Variants in GRK5 observed in about 807,000 individuals in gnomAD.
The protein encoded by GRK5 is g protein-coupled receptor kinase GRK5.
Under a neutral mutation model 78.4 loss-of-function variants are expected in GRK5, and 40 were observed. The ratio of observed to expected loss-of-function variants is 0.51; its 90% CI spans 0.40 to 0.66. The LOEUF is 0.66. GRK5 is among the 30% of genes least tolerant of loss of function. The pLI, the probability that GRK5 is intolerant of heterozygous loss-of-function variation, is 0.00. For synonymous variants in GRK5, 289 were observed against 296.8 expected, an observed-to-expected ratio of 0.97 and a Z score of 0.27; for missense variants, 598 against 759.9, an observed-to-expected ratio of 0.79 and a Z score of 2.50.
rs1423421380 is a variant in GRK5 at position 119,412,658 on chromosome 10, A to C, written c.340-10508A>C. Among the ~76,000 whole-genome samples the C allele has an allele frequency of 1.3e-5, 2 of 152,174 alleles. No individual in the cohort carries two copies. Among genetic ancestry groups the C allele is most frequent in the Non-Finnish European group, 2.9e-5 (2 of 68,032 alleles). ...CAGTGGCTTTTCCACATGGCCCTGA[A>C]GGTTTTGATTAAAAAGGTGGAAGAA... is the stretch of plus-strand genomic sequence containing the variant. On this transcript the variant is annotated intron_variant, in intron 4 of 15. Transcript: ENST00000392870. This position sits in a 1 kb window ranked among gnomAD's most constrained non-coding sequence, Gnocchi z 4.3.
chr10:119,383,328 A>G (rs2133834146), intron 3 of GRK5, among the ~76,000 whole-genome samples: 1 of 152,288 alleles, frequency 6.6e-6, no homozygotes, highest in Non-Finnish European at 1.5e-5. Flanking sequence ...CAGTGGTTTC[A>G]TGTTCTTCCA....
At position 119,455,261 on chromosome 10, in the gene GRK5, GCGGCCC is replaced by G. The variant is rs1343605345; in HGVS notation, c.*200_*205del. The G allele has an allele frequency of 1.0e-5, 7 of 701,352 alleles. No individual in the cohort carries two copies. In the Admixed American group the frequency reaches 1.4e-4, roughly 14 times the overall value. 43.4% of individuals were successfully genotyped at this position (701,352 alleles called of 1,614,324 possible). On this transcript the variant is annotated 3_prime_UTR_variant, in exon 16 of 16. Coordinates refer to ENST00000392870, the MANE Select transcript of GRK5 (RefSeq NM_005308.3). ...TTTCCACTCAGGTCTGTTTTCCGAG[GCGGCCC>G]CGGCCGGGGTGGATTGGATTTGTCT...
At chr10:119,256,601 C>T (rs1017202784) in intron 1 of GRK5, among the ~76,000 whole-genome samples, 1 of 149,698 alleles carries the variant, frequency 6.7e-6, no homozygotes, top group Non-Finnish European at 1.5e-5. Context: ...TCACCTCTAT[C>T]GCACCCCACC....
chr10:119,365,091 G>A (rs4526697), intron 2 of GRK5, among the ~76,000 whole-genome samples: 3,824 of 152,276 alleles, frequency 0.025, 69 homozygotes, highest in Non-Finnish European at 0.038. Context: ...CAGCGCCCCA[G>A]GCTGAGACAG....
intron 1 of GRK5, among the ~76,000 whole-genome samples, chr10:119,275,843 G>A (rs1452144380): frequency 2.0e-5 from 3 of 152,142 alleles, no homozygotes; most frequent in Non-Finnish European, 4.4e-5. Flanking sequence ...TGCGCTTAGT[G>A]TTCCGAATTC....
chr10:119,225,564 C>A (rs777558526), intron 1 of GRK5, among the ~76,000 whole-genome samples: 1 of 152,074 alleles, frequency 6.6e-6, no homozygotes, highest in Non-Finnish European at 1.5e-5. Context: ...GTTCTGCATT[C>A]TCCTGCAAGG....
At chr10:119,406,459 T>G in intron 4 of GRK5, 2 of 954,518 alleles carry the variant, frequency 2.1e-6, no homozygotes, top group Non-Finnish European at 2.5e-6. Context: ...ATGGGAAGCT[T>G]GGGCAAATGG....
At chr10:119,371,579 T>G (rs535057787) in intron 2 of GRK5, among the ~76,000 whole-genome samples, 34 of 152,340 alleles carry the variant, frequency 2.2e-4, no homozygotes, top group African/African-American at 8.2e-4. Flanking sequence ...TGTGGCCTGC[T>G]TCCGAGAAGG....
chr10:119,391,623 G>A (rs538120837), intron 3 of GRK5, among the ~76,000 whole-genome samples: 2 of 152,228 alleles, frequency 1.3e-5, no homozygotes, highest in Non-Finnish European at 2.9e-5. Context: ...GAGGGTCCGG[G>A]AGCCTGCGGT....
intron 1 of GRK5, among the ~76,000 whole-genome samples, chr10:119,228,661 T>C (rs1388988830): frequency 1.3e-5 from 2 of 152,204 alleles, no homozygotes; most frequent in East Asian, 1.9e-4. Context: ...CCTATTCTTA[T>C]TGGCATGGAG....
intron 4 of GRK5, among the ~76,000 whole-genome samples, chr10:119,407,954 G>A (rs918522265): frequency 1.3e-4 from 20 of 152,114 alleles, no homozygotes; most frequent in Middle Eastern, 3.4e-3. Context: ...AGCTGAGGTC[G>A]GGAGTTCAAG....
At position 119,217,197 on chromosome 10, in the gene GRK5, C is replaced by T. The variant is rs886444036; in HGVS notation, c.52+9228C>T. On this transcript the variant is annotated intron_variant, in intron 1 of 15. Coordinates refer to ENST00000392870, the MANE Select transcript of GRK5 (RefSeq NM_005308.3). This position sits in a 1 kb window ranked among gnomAD's most constrained non-coding sequence, Gnocchi z 4.1. Reference sequence around the variant, plus strand: ...GAGAAAGAGTGTCTTTGTCAGATTCCCTGGGAAAAGGGGCAAATTGGGAAT... The same window carrying T: ...GAGAAAGAGTGTCTTTGTCAGATTCTCTGGGAAAAGGGGCAAATTGGGAAT... Among the ~76,000 whole-genome samples, 2 of 151,866 alleles carry T rather than the reference C, an allele frequency of 1.3e-5. No homozygotes were observed. The highest frequency in any genetic ancestry group is 1.3e-4 in the Admixed American group (2 of 15,264).
intron 2 of GRK5, among the ~76,000 whole-genome samples, chr10:119,345,156 G>A (rs1851069289): frequency 6.6e-6 from 1 of 151,990 alleles, no homozygotes; most frequent in Non-Finnish European, 1.5e-5. Context: ...TTTTAGTAGA[G>A]ACGGGATTTC....
intron 1 of GRK5, among the ~76,000 whole-genome samples, chr10:119,247,704 G>C (rs1849134780): frequency 6.6e-6 from 1 of 152,156 alleles, no homozygotes; most frequent in Admixed American, 6.5e-5. Context: ...ATAATTAATT[G>C]TAACCAGCTT....
At position 119,310,822 on chromosome 10, in the gene GRK5, G is replaced by A. The variant is rs557214632; in HGVS notation, c.53-15694G>A. On this transcript the variant is annotated intron_variant, in intron 1 of 15. Coordinates refer to ENST00000392870, the MANE Select transcript of GRK5 (RefSeq NM_005308.3). ...AATCGACCCTTATAAAGGGCATTTG[G>A]TTATTAAGCCAATTGGGAAACTGTG... Among the ~76,000 whole-genome samples, 103 of 152,320 alleles carry A rather than the reference G, an allele frequency of 6.8e-4. 1 individual carries two copies. The highest frequency in any genetic ancestry group is 6.8e-3 in the Middle Eastern group (2 of 294).
chr10:119,251,944 C>A (rs1849209986), intron 1 of GRK5, among the ~76,000 whole-genome samples: 1 of 152,192 alleles, frequency 6.6e-6, no homozygotes, highest in Non-Finnish European at 1.5e-5. Flanking sequence ...AATCCTCAGC[C>A]CTTCCACTAA....
intron 1 of GRK5, among the ~76,000 whole-genome samples, chr10:119,216,580 A>G (rs1302652827): frequency 1.3e-5 from 2 of 151,972 alleles, no homozygotes; most frequent in Non-Finnish European, 2.9e-5. Flanking sequence ...AGGCTGAGGC[A>G]GGAGGATTGC....
intron 2 of GRK5, among the ~76,000 whole-genome samples, chr10:119,369,303 G>C (rs1851505900): frequency 1.3e-5 from 2 of 152,158 alleles, no homozygotes. Flanking sequence ...GGTGCTTTTA[G>C]GCGGAGCACA....
chr10:119,331,075 G>A (rs1850768578), intron 2 of GRK5, among the ~76,000 whole-genome samples: 1 of 152,126 alleles, frequency 6.6e-6, no homozygotes, highest in African/African-American at 2.4e-5. Context: ...CCACTGTGGG[G>A]GACCTGGGAG....
Sources: allele counts gnomAD v4.1 joint callset (sites outside exome capture counted in the v4.1 genomes callset), GRCh38; gene constraint gnomAD v4.1.1; non-coding constraint Gnocchi (gnomAD v3.1); transcripts MANE v1.5; gene names NCBI Gene and HGNC (gene_info 2026-07-23, HGNC 2026-07-21).